SERGEF: variants seen among roughly 807,000 people sequenced by gnomAD.
The protein encoded by SERGEF is secretion regulating guanine nucleotide exchange factor.
SERGEF carries 51 observed loss-of-function variants against 50.0 expected under a neutral mutation model. The observed-to-expected ratio is 1.02, with a 90% CI of 0.81 to 1.29. The LOEUF (loss-of-function observed/expected upper bound fraction) is 1.29. Ranked by LOEUF, SERGEF falls within the 50% of genes most tolerant of loss-of-function variation. The pLI is 0.00. For synonymous variants in SERGEF, 205 were observed against 212.4 expected, an observed-to-expected ratio of 0.97 and a Z score of 0.30; for missense variants, 521 against 557.0, an observed-to-expected ratio of 0.94 and a Z score of 0.65.
At chr11:17,969,095 T>G (rs1453556022) in intron 8 of SERGEF, among the ~76,000 whole-genome samples, 2 of 152,196 alleles carry the variant, frequency 1.3e-5, no homozygotes, top group African/African-American at 4.8e-5. Flanking sequence ...TTAATAACAT[T>G]ATGACTATCA....
intron 1 of SERGEF, among the ~76,000 whole-genome samples, chr11:18,011,208 T>C (rs1854189731): frequency 6.6e-6 from 1 of 151,936 alleles, no homozygotes; most frequent in South Asian, 2.1e-4. Flanking sequence ...CCGAACTTTA[T>C]TCCCCCAAAA....
chr11:17,793,091 AG>A (rs1849513045), intron 10 of SERGEF, among the ~76,000 whole-genome samples: 1 of 152,180 alleles, frequency 6.6e-6, no homozygotes, highest in African/African-American at 2.4e-5. Context: ...CTGACTTCAT[AG>A]GGTTGCCATG....
chr11:18,011,137 TAC>T (rs57370560), intron 1 of SERGEF, among the ~76,000 whole-genome samples: 1,830 of 147,252 alleles, frequency 0.012, 12 homozygotes, highest in Non-Finnish European at 0.016. Context: ...CATGCACACA[TAC>T]ACACACACAC....
rs944611517 is a variant in SERGEF, at chr11:18,004,551, A to G, written c.353-16T>C. The G allele has an allele frequency of 1.3e-6, 2 of 1,567,730 alleles. No homozygotes were observed. Among genetic ancestry groups the G allele is most frequent in the Non-Finnish European group, 1.8e-6 (2 of 1,141,936 alleles). ...TGACCATTTTCTGCAAAATACAAAT[A>G]CTTAAATTGCAAATCTATGAAGTAA... On this transcript the variant is annotated splice_polypyrimidine_tract_variant and intron_variant, in intron 3 of 10. Coordinates refer to ENST00000265965, the MANE Select transcript of SERGEF (RefSeq NM_012139.4).
intron 8 of SERGEF, among the ~76,000 whole-genome samples, chr11:17,971,672 T>C (rs1853251805): frequency 6.6e-6 from 1 of 152,234 alleles, no homozygotes; most frequent in African/African-American, 2.4e-5. Context: ...GAGATTAATG[T>C]TGTTCTCATG....
At chr11:17,967,900 C>G (rs577798085) in intron 8 of SERGEF, among the ~76,000 whole-genome samples, 1 of 152,354 alleles carries the variant, frequency 6.6e-6, no homozygotes, top group Admixed American at 6.5e-5. Context: ...GTCTGTCCCA[C>G]TTATGGAATC....
intron 10 of SERGEF, among the ~76,000 whole-genome samples, chr11:17,794,739 G>A (rs1849545452): frequency 6.6e-6 from 1 of 152,230 alleles, no homozygotes; most frequent in East Asian, 1.9e-4. Context: ...GGCAGAGCTG[G>A]ATTCGAACCC....
At chr11:17,998,686 G>A (rs2134006450) in intron 5 of SERGEF, among the ~76,000 whole-genome samples, 1 of 151,506 alleles carries the variant, frequency 6.6e-6, no homozygotes, top group Middle Eastern at 3.5e-3. Context: ...AAAAGTTAAA[G>A]GGGGTCATAT....
intron 9 of SERGEF, among the ~76,000 whole-genome samples, chr11:17,924,033 A>G (rs778271062): frequency 5.9e-5 from 9 of 152,202 alleles, no homozygotes; most frequent in Admixed American, 1.3e-4. Context: ...TGAAGATGAT[A>G]ATAATCTCTA....
At chr11:17,938,630 T>C (rs1371061597) in intron 9 of SERGEF, among the ~76,000 whole-genome samples, 1 of 152,164 alleles carries the variant, frequency 6.6e-6, no homozygotes, top group African/African-American at 2.4e-5. Context: ...CAGGACACTT[T>C]AGTTATTAAG....
intron 5 of SERGEF, among the ~76,000 whole-genome samples, chr11:17,997,744 G>A (rs1428361240): frequency 6.6e-6 from 1 of 152,164 alleles, no homozygotes; most frequent in Non-Finnish European, 1.5e-5. Flanking sequence ...GAACCTTGAG[G>A]ACATCATGCT....
intron 8 of SERGEF, among the ~76,000 whole-genome samples, chr11:17,985,781 A>G (rs1042077773): frequency 6.6e-6 from 1 of 152,236 alleles, no homozygotes; most frequent in Non-Finnish European, 1.5e-5. Flanking sequence ...CAGACAATCT[A>G]TAAAGTTATT....
chr11:17,904,513 A>G (rs1437323198), intron 9 of SERGEF, among the ~76,000 whole-genome samples: 1 of 152,190 alleles, frequency 6.6e-6, no homozygotes, highest in Admixed American at 6.6e-5. Context: ...ACTTCAAATT[A>G]TAATCTCTCT....
At position 18,010,053 on chromosome 11, in the gene SERGEF, T is replaced by C. The variant is rs1397312104; in HGVS notation, c.61-1977A>G. The C allele has an allele frequency of 3.9e-6, 4 of 1,026,356 alleles. No homozygotes were observed. The South Asian group carries it at 4.2e-5, about 11-fold the overall frequency. The allele number at this position is 1,026,356 out of a possible 1,614,324, so 63.6% of individuals were successfully genotyped here. A position where few individuals can be genotyped will look rare whatever the true frequency, so the allele number is the denominator to read the frequency against. On this transcript the variant is annotated intron_variant, in intron 1 of 10. Transcript: ENST00000265965. ...ATCTTACTAAGATTTCAGAAATCTT[T>C]ATAATTTATTCAAGTACCTACTCCT...
chr11:17,941,941 G>C (rs970184720), intron 9 of SERGEF, among the ~76,000 whole-genome samples: 5 of 152,168 alleles, frequency 3.3e-5, no homozygotes, highest in Non-Finnish European at 5.9e-5. Flanking sequence ...TTAGAGAAAT[G>C]TCCATTCAAG....
chr11:17,909,171 G>T (rs559077657), intron 9 of SERGEF, among the ~76,000 whole-genome samples: 2 of 152,334 alleles, frequency 1.3e-5, no homozygotes, highest in Admixed American at 1.3e-4. Context: ...CCTTGGGCAA[G>T]TCAAGCCATT....
intron 1 of SERGEF, 164 bp downstream of exon 1, chr11:18,012,787 G>T (rs1854225358): frequency 1.4e-6 from 1 of 700,282 alleles, no homozygotes; most frequent in Non-Finnish European, 2.1e-6. Flanking sequence ...CCGCCCGCCC[G>T]CTCCTCCTCC....
At chr11:17,983,328 T>C (rs1347023621) in intron 8 of SERGEF, among the ~76,000 whole-genome samples, 2 of 152,236 alleles carry the variant, frequency 1.3e-5, no homozygotes, top group African/African-American at 4.8e-5. Context: ...CTTTCTGCAC[T>C]CTTCAGGAGA....
chr11:17,841,339 A>C (rs1411929241), intron 10 of SERGEF, among the ~76,000 whole-genome samples: 1 of 152,216 alleles, frequency 6.6e-6, no homozygotes, highest in Admixed American at 6.5e-5. Flanking sequence ...TTTTTAGCTT[A>C]GCGAATGGCA....
Sources: gnomAD v4.1 joint callset for allele counts (sites outside exome capture counted in the v4.1 genomes callset) on GRCh38, gnomAD v4.1.1 for gene constraint, MANE v1.5 for transcripts, NCBI Gene and HGNC (gene_info 2026-07-23, HGNC 2026-07-21) for gene names.